RHOJ: variants seen among roughly 807,000 people sequenced by gnomAD.
RHOJ encodes the protein rho-related GTP-binding protein RhoJ.
A neutral mutation model predicts 23.4 loss-of-function variants in RHOJ; 11 were observed. The ratio of observed to expected loss-of-function variants is 0.47; its 90% CI spans 0.30 to 0.78. The LOEUF (loss-of-function observed/expected upper bound fraction) is 0.78, where lower values mean the gene tolerates loss of function less well. RHOJ is among the 30% of genes least tolerant of loss of function. The pLI, the probability that RHOJ is intolerant of heterozygous loss-of-function variation, is 0.08. For synonymous variants in RHOJ, 102 were observed against 102.7 expected (o/e 0.99, Z 0.04); for missense variants, 254 against 273.4 (o/e 0.93, Z 0.50).
At chr14:63,244,693 C>T (rs551082195) in intron 1 of RHOJ, among the ~76,000 whole-genome samples, 2 of 152,314 alleles carry the variant, frequency 1.3e-5, no homozygotes, top group South Asian at 2.1e-4. Flanking sequence ...GATATTTAGA[C>T]ACATTATCTC....
At chr14:63,287,352 T>C (rs1025791573) in intron 4 of RHOJ, among the ~76,000 whole-genome samples, 1 of 152,218 alleles carries the variant, frequency 6.6e-6, no homozygotes, top group African/African-American at 2.4e-5. Context: ...GAAATGAGGA[T>C]GGTGACAGAT....
At chr14:63,217,517 T>C (rs942096336) in intron 1 of RHOJ, among the ~76,000 whole-genome samples, 32 of 151,854 alleles carry the variant, frequency 2.1e-4, no homozygotes, top group African/African-American at 7.7e-4. Flanking sequence ...ATCTCTTCCT[T>C]ACACCTTATA....
chr14:63,215,067 T>A (rs940555916), intron 1 of RHOJ, among the ~76,000 whole-genome samples: 2 of 152,314 alleles, frequency 1.3e-5, no homozygotes, highest in East Asian at 3.9e-4. Flanking sequence ...GCCTTGTGAT[T>A]ATGAAATGAA....
chr14:63,239,623 C>T (rs1008594273), intron 1 of RHOJ, among the ~76,000 whole-genome samples: 6 of 152,184 alleles, frequency 3.9e-5, no homozygotes, highest in African/African-American at 1.4e-4. Context: ...TGACTAGAAC[C>T]ACTAACTTAG....
intron 1 of RHOJ, among the ~76,000 whole-genome samples, chr14:63,234,446 G>GA (rs1434793587): frequency 6.6e-6 from 1 of 151,928 alleles, no homozygotes. Context: ...TTGGATAAGT[G>GA]AAAAAAGGGC....
intron 4 of RHOJ, 29 bp from the exon 5 acceptor site, chr14:63,290,849 C>G (rs367766445): frequency 1.5e-4 from 233 of 1,583,650 alleles, no homozygotes; most frequent in Non-Finnish European, 1.9e-4. Flanking sequence ...TTTTTTATCT[C>G]TCATGCCTTT....
In RHOJ at chr14:63,204,920, C is replaced by G. The variant is rs748360536; in HGVS notation, c.51C>G (p.Asp17Glu). The G allele has an allele frequency of 1.2e-6, 2 of 1,614,054 alleles. No homozygotes were observed. The highest frequency in any genetic ancestry group is 8.5e-7 in the Non-Finnish European group (1 of 1,180,002). ...TDSSCGCRGN[D>E]EKKMLKCVVV... Reference sequence around the variant, plus strand: ...GCAGCTGCGGCTGCAGGGGCAACGACGAGAAGAAGATGTTGAAGTGTGTGG... The same window carrying G: ...GCAGCTGCGGCTGCAGGGGCAACGAGGAGAAGAAGATGTTGAAGTGTGTGG... Residue 17 changes from aspartate to glutamate, a missense_variant, in exon 1 of 5, where the codon GAC becomes GAG. Coordinates refer to ENST00000316754, the MANE Select transcript of RHOJ (RefSeq NM_020663.5).
chr14:63,219,229 A>G (rs1039623274), intron 1 of RHOJ, among the ~76,000 whole-genome samples: 1 of 152,172 alleles, frequency 6.6e-6, no homozygotes, highest in East Asian at 1.9e-4. Context: ...CCCAGAAAAG[A>G]GCACCACACA....
Position 63,232,938 on chromosome 14 carries a change from C to T in RHOJ, c.178+27891C>T, listed in dbSNP as rs546608633. ...ATCAAACTCCTGGACTCAAGCAATC[C>T]ACCTGTCTCGGCCTCCCAAAGTGCT... On this transcript the variant is annotated intron_variant, in intron 1 of 4. Transcript: ENST00000316754. Among the ~76,000 whole-genome samples the T allele has an allele frequency of 1.3e-4, 20 of 152,112 alleles. 1 individual carries two copies. The highest frequency in any genetic ancestry group is 4.6e-4 in the African/African-American group (19 of 41,506).
chr14:63,286,260 G>A (rs1008772564), intron 4 of RHOJ, among the ~76,000 whole-genome samples: 9 of 152,160 alleles, frequency 5.9e-5, no homozygotes, highest in African/African-American at 1.7e-4. Flanking sequence ...AGAAGAGGAG[G>A]GAGACAGGCA....
At chr14:63,208,791 T>C (rs1894169414) in intron 1 of RHOJ, among the ~76,000 whole-genome samples, 1 of 152,186 alleles carries the variant, frequency 6.6e-6, no homozygotes, top group African/African-American at 2.4e-5. Context: ...CATATCCTGA[T>C]AACGGCAAAA....
At chr14:63,227,768 T>C (rs1317803740) in intron 1 of RHOJ, among the ~76,000 whole-genome samples, 1 of 152,250 alleles carries the variant, frequency 6.6e-6, no homozygotes, top group Non-Finnish European at 1.5e-5. Flanking sequence ...ACAATGATTC[T>C]AGCTTAATAA....
Position 63,290,847 on chromosome 14 carries a change from C to T in RHOJ, c.499-31C>T, listed in dbSNP as rs760678160. 25 of 1,574,276 alleles carry T rather than the reference C, an allele frequency of 1.6e-5. No homozygotes were observed. In the Middle Eastern group the frequency reaches 8.5e-4, roughly 54 times the overall value. ...CACTGTGCTTTTCTCTCTTTTTTAT[C>T]TCTCATGCCTTTCTCTCTTTTGTGT... On this transcript the variant is annotated intron_variant, in intron 4 of 4. Coordinates refer to ENST00000316754, the MANE Select transcript of RHOJ (RefSeq NM_020663.5).
intron 2 of RHOJ, among the ~76,000 whole-genome samples, chr14:63,280,335 T>C (rs1881858208): frequency 6.6e-6 from 1 of 152,162 alleles, no homozygotes; most frequent in Non-Finnish European, 1.5e-5. Flanking sequence ...GGTGAACTTT[T>C]GAATACATAG....
At chr14:63,237,761 T>C (rs1458596089) in intron 1 of RHOJ, among the ~76,000 whole-genome samples, 2 of 152,250 alleles carry the variant, frequency 1.3e-5, no homozygotes, top group Admixed American at 6.5e-5. Context: ...TTTTATGAAT[T>C]TCTACTGGAT....
At chr14:63,285,233 A>G (rs1282300828) in intron 4 of RHOJ, among the ~76,000 whole-genome samples, 1 of 152,152 alleles carries the variant, frequency 6.6e-6, no homozygotes, top group African/African-American at 2.4e-5. Flanking sequence ...CCACTTTCCT[A>G]CAGGAAACTG....
chr14:63,272,420 C>T (rs904417174), intron 2 of RHOJ, among the ~76,000 whole-genome samples: 1 of 152,174 alleles, frequency 6.6e-6, no homozygotes, highest in African/African-American at 2.4e-5. Context: ...CCCTGAACCA[C>T]AAAAAGAAAA....
intron 2 of RHOJ, among the ~76,000 whole-genome samples, chr14:63,280,222 G>A (rs541221564): frequency 4.6e-5 from 7 of 152,084 alleles, no homozygotes; most frequent in South Asian, 2.1e-4. Flanking sequence ...ATAGGGTCTC[G>A]CTATATTGCC....
chr14:63,218,763 C>T (rs536193626), intron 1 of RHOJ, among the ~76,000 whole-genome samples: 1 of 152,306 alleles, frequency 6.6e-6, no homozygotes, highest in South Asian at 2.1e-4. Flanking sequence ...AGGCTCTAAG[C>T]TGTAAACAAT....
Sources: gnomAD v4.1 joint callset for allele counts (sites outside exome capture counted in the v4.1 genomes callset) on GRCh38, gnomAD v4.1.1 for gene constraint, MANE v1.5 for transcripts, NCBI Gene and HGNC (gene_info 2026-07-23, HGNC 2026-07-21) for gene names.